Variants in HIVEP3 observed in about 807,000 individuals in gnomAD.
The protein encoded by HIVEP3 is transcription factor HIVEP3.
Under a neutral mutation model 152.8 loss-of-function variants are expected in HIVEP3, and 49 were observed. That is an observed-to-expected ratio of 0.32 (90% CI 0.26 to 0.41). The LOEUF is 0.41. HIVEP3 is among the 10% of genes least tolerant of loss of function. The probability of loss-of-function intolerance (pLI) is 1.00; values close to 1 mark genes in which losing one functional copy is unlikely to be tolerated. For synonymous variants in HIVEP3, 1,269 were observed against 1,289.0 expected, an observed-to-expected ratio of 0.98 and a Z score of 0.33; for missense variants, 2,790 against 3,103.3, an observed-to-expected ratio of 0.90 and a Z score of 2.40.
intron 1 of HIVEP3, among the ~76,000 whole-genome samples, chr1:41,815,647 C>T (rs553219498): frequency 3.7e-4 from 56 of 152,022 alleles, no homozygotes; most frequent in Non-Finnish European, 7.4e-4. Flanking sequence ...CTCAGAGGCC[C>T]ATGGAGGAGG....
At chr1:41,670,050 GGGCC>G (rs1645850806) in intron 2 of HIVEP3, among the ~76,000 whole-genome samples, 3 of 152,160 alleles carry the variant, frequency 2.0e-5, no homozygotes, top group Admixed American at 1.3e-4. Flanking sequence ...CTCCCTGGGA[GGGCC>G]TCTTTGCAGA....
chr1:41,893,908 T>A (rs1644489070), intron 1 of HIVEP3, among the ~76,000 whole-genome samples: 1 of 140,902 alleles, frequency 7.1e-6, no homozygotes, highest in South Asian at 2.1e-4. Flanking sequence ...AATATTTATT[T>A]TTTATATATA....
At chr1:41,515,095 G>A (rs957282692) in intron 7 of HIVEP3, among the ~76,000 whole-genome samples, 11 of 152,188 alleles carry the variant, frequency 7.2e-5, no homozygotes, top group African/African-American at 2.7e-4. Context: ...TGAGGTTGCT[G>A]ACAGGTGGGT....
chr1:42,023,085 C>T (rs1456402250), intron 1 of HIVEP3, among the ~76,000 whole-genome samples: 1 of 152,078 alleles, frequency 6.6e-6, no homozygotes. Flanking sequence ...GGCTGGAGTG[C>T]AACCTCCACC....
intron 5 of HIVEP3, among the ~76,000 whole-genome samples, chr1:41,546,082 G>A (rs769584334): frequency 8.5e-5 from 13 of 152,200 alleles, no homozygotes; most frequent in Non-Finnish European, 1.8e-4. Flanking sequence ...GCTTACTTCT[G>A]TGCCTGGAGC....
chr1:41,759,121 G>A (rs577415696), intron 1 of HIVEP3, among the ~76,000 whole-genome samples: 17 of 150,568 alleles, frequency 1.1e-4, no homozygotes, highest in Non-Finnish European at 2.1e-4. Flanking sequence ...CCAGCTCCTG[G>A]CAACCACCAG....
At chr1:41,986,132 G>C (rs1240976588) in intron 1 of HIVEP3, among the ~76,000 whole-genome samples, 1 of 152,068 alleles carries the variant, frequency 6.6e-6, no homozygotes, top group East Asian at 1.9e-4. Flanking sequence ...TTAAAATCAA[G>C]GGAAGAGAAT....
intron 3 of HIVEP3, among the ~76,000 whole-genome samples, chr1:41,590,225 A>G (rs1380712161): frequency 2.6e-5 from 4 of 152,258 alleles, no homozygotes; most frequent in Non-Finnish European, 5.9e-5. Context: ...TGTCTGGGCA[A>G]AGAGAGAGGC....
rs117022914 is a variant in HIVEP3, at chr1:41,679,448, G to A, written c.-721+21468C>T. Among the ~76,000 whole-genome samples, 21 of 152,196 alleles carry A rather than the reference G, an allele frequency of 1.4e-4. 1 individual carries two copies. The highest frequency in any genetic ancestry group is 4.1e-4 in the South Asian group (2 of 4,828). On this transcript the variant is annotated intron_variant, in intron 2 of 8. Coordinates refer to ENST00000372583, the MANE Select transcript of HIVEP3 (RefSeq NM_024503.5). Reference sequence around the variant, plus strand: ...AGATCCTATCTCCCCAGTTGGGTGCGTGGGACTCATTTGCCTATACCTGCA... The same window carrying A: ...AGATCCTATCTCCCCAGTTGGGTGCATGGGACTCATTTGCCTATACCTGCA...
At chr1:41,928,394 T>C (rs1457887096) in intron 1 of HIVEP3, among the ~76,000 whole-genome samples, 4 of 152,196 alleles carry the variant, frequency 2.6e-5, no homozygotes, top group Non-Finnish European at 2.9e-5. Flanking sequence ...TTTAGACTTA[T>C]AGAGGAATTG....
At chr1:41,689,624 G>A (rs775402270) in intron 2 of HIVEP3, among the ~76,000 whole-genome samples, 21 of 152,206 alleles carry the variant, frequency 1.4e-4, no homozygotes, top group Non-Finnish European at 1.2e-4. Flanking sequence ...CTTCCTACTG[G>A]TTTACATGCT....
At chr1:41,889,099 C>T (rs1283558216) in intron 1 of HIVEP3, among the ~76,000 whole-genome samples, 1 of 149,214 alleles carries the variant, frequency 6.7e-6, no homozygotes, top group East Asian at 2.0e-4. Flanking sequence ...ACATACCTCA[C>T]ACACCAAACA....
At chr1:41,554,304 A>C (rs1278147263) in intron 5 of HIVEP3, among the ~76,000 whole-genome samples, 2 of 152,136 alleles carry the variant, frequency 1.3e-5, no homozygotes. Context: ...TGCATGCGTC[A>C]CGTAGTTCTT....
At chr1:41,754,090 G>C (rs1307858855) in intron 1 of HIVEP3, among the ~76,000 whole-genome samples, 1 of 152,342 alleles carries the variant, frequency 6.6e-6, no homozygotes, top group Non-Finnish European at 1.5e-5. Flanking sequence ...AACAGCAAAA[G>C]AGCAAGAGCA....
intron 1 of HIVEP3, among the ~76,000 whole-genome samples, chr1:41,813,876 A>G (rs1431186733): frequency 6.6e-6 from 1 of 152,176 alleles, no homozygotes; most frequent in East Asian, 1.9e-4. Flanking sequence ...GTTGTGGTGG[A>G]GACAGTAGCT....
intron 7 of HIVEP3, among the ~76,000 whole-genome samples, chr1:41,517,909 T>C (rs1359038373): frequency 1.3e-5 from 2 of 152,206 alleles, no homozygotes; most frequent in African/African-American, 4.8e-5. Context: ...AAAAGGCCCA[T>C]GTGTCAGGCC....
intron 2 of HIVEP3, among the ~76,000 whole-genome samples, chr1:41,676,092 CT>C (rs1373593392): frequency 6.6e-6 from 1 of 151,988 alleles, no homozygotes; most frequent in Non-Finnish European, 1.5e-5. Flanking sequence ...TGCTCTGTCC[CT>C]CAGGTTGGAG....
chr1:41,786,069 AGCAT>A (rs1649332242), intron 1 of HIVEP3, among the ~76,000 whole-genome samples: 1 of 152,200 alleles, frequency 6.6e-6, no homozygotes, highest in Admixed American at 6.5e-5. Context: ...AAAAAAAGAC[AGCAT>A]GCGAGAGGTG....
rs573589661 is a variant in HIVEP3 at position 41,854,057 on chromosome 1, G to A, written c.-801+64356C>T. On this transcript the variant is annotated intron_variant, in intron 1 of 8. Transcript: ENST00000372583. ...CCTTACTAAGTGTGTTCACTCACCCGGCTGTACCTAGGGCCACCTGTTGTC... is the reference window on the plus strand; with the variant it reads ...CCTTACTAAGTGTGTTCACTCACCCAGCTGTACCTAGGGCCACCTGTTGTC... Among the ~76,000 whole-genome samples, 41 of 152,258 alleles carry A rather than the reference G, an allele frequency of 2.7e-4. No individual in the cohort carries two copies. The South Asian group carries it at 7.0e-3, about 26-fold the overall frequency.
Sources: gnomAD v4.1 joint callset for allele counts (sites outside exome capture counted in the v4.1 genomes callset) on GRCh38, gnomAD v4.1.1 for gene constraint, MANE v1.5 for transcripts, NCBI Gene and HGNC (gene_info 2026-07-23, HGNC 2026-07-21) for gene names.